The following SLC24A2 variants were observed in gnomAD, a reference collection of about 807,000 sequenced individuals.
SLC24A2 encodes the protein sodium/potassium/calcium exchanger 2.
SLC24A2 carries 36 observed loss-of-function variants against 62.0 expected under a neutral mutation model. That is an observed-to-expected ratio of 0.58 (90% confidence interval 0.44 to 0.77). The LOEUF (loss-of-function observed/expected upper bound fraction) is 0.77, where lower values mean the gene tolerates loss of function less well. SLC24A2 is among the 30% of genes least tolerant of loss of function. SLC24A2 has a pLI of 0.00. For synonymous variants in SLC24A2, 358 were observed against 294.0 expected (o/e 1.22, Z -2.23); for missense variants, 846 against 817.9 (o/e 1.03, Z -0.42).
intron 2 of SLC24A2, among the ~76,000 whole-genome samples, chr9:19,683,979 A>G (rs1819799373): frequency 6.6e-6 from 1 of 152,094 alleles, no homozygotes; most frequent in Non-Finnish European, 1.5e-5. Flanking sequence ...TACAAGCAAA[A>G]GAAACTTCCT....
At chr9:19,951,227 TGTG>T in the SLC24A2 span, among the ~76,000 whole-genome samples, 2 of 36,532 alleles carry the variant, frequency 5.5e-5, no homozygotes, top group Non-Finnish European at 1.1e-4. Flanking sequence ...TTTCTTAAGT[TGTG>T]TGTGTGTGTG....
chr9:19,949,097 G>A, the SLC24A2 span, among the ~76,000 whole-genome samples: 1 of 151,920 alleles, frequency 6.6e-6, no homozygotes, highest in Non-Finnish European at 1.5e-5. Flanking sequence ...GAGTTCAAGT[G>A]ATTCTCCTGC....
the SLC24A2 span, among the ~76,000 whole-genome samples, chr9:19,855,382 T>C: frequency 6.6e-6 from 1 of 152,164 alleles, no homozygotes. Flanking sequence ...TGCTTCATAG[T>C]GTCATTGGTC....
At chr9:19,693,716 A>G (rs376312910) in intron 2 of SLC24A2, among the ~76,000 whole-genome samples, 1 of 152,124 alleles carries the variant, frequency 6.6e-6, no homozygotes, top group African/African-American at 2.4e-5. Context: ...GATGCTTCTC[A>G]TGTACAGAAG....
At chr9:20,031,749 C>G in the SLC24A2 span, among the ~76,000 whole-genome samples, 1 of 152,114 alleles carries the variant, frequency 6.6e-6, no homozygotes, top group Non-Finnish European at 1.5e-5. Flanking sequence ...CTGGTCAGCC[C>G]CAATCCTGAC....
intron 2 of SLC24A2, among the ~76,000 whole-genome samples, chr9:19,748,671 T>C (rs966440145): frequency 6.5e-5 from 8 of 122,630 alleles, no homozygotes; most frequent in Non-Finnish European, 1.0e-4. Flanking sequence ...TGTCCCTTTT[T>C]TGATTTTTTT....
chr9:19,790,844 A>T (rs910994565), upstream of SLC24A2, among the ~76,000 whole-genome samples: 4 of 152,102 alleles, frequency 2.6e-5, no homozygotes, highest in African/African-American at 4.8e-5. Context: ...TGGGGTGCGG[A>T]GGGGAATATC....
chr9:20,111,546 A>G, the SLC24A2 span, among the ~76,000 whole-genome samples: 1 of 152,170 alleles, frequency 6.6e-6, no homozygotes, highest in East Asian at 1.9e-4. Flanking sequence ...CCTAACTGAT[A>G]CAAAAGTGCT....
chr9:19,765,104 C>A (rs1264682262), intron 2 of SLC24A2, among the ~76,000 whole-genome samples: 1 of 151,926 alleles, frequency 6.6e-6, no homozygotes, highest in African/African-American at 2.4e-5. Flanking sequence ...TTATCAGAGA[C>A]TAGGATTGCA....
intron 2 of SLC24A2, among the ~76,000 whole-genome samples, chr9:19,701,265 T>G (rs1820348764): frequency 6.6e-6 from 1 of 152,204 alleles, no homozygotes; most frequent in African/African-American, 2.4e-5. Flanking sequence ...AAAGACATAT[T>G]GTAGCGGAAT....
chr9:19,905,931 T>C, the SLC24A2 span, among the ~76,000 whole-genome samples: 1 of 152,044 alleles, frequency 6.6e-6, no homozygotes, highest in South Asian at 2.1e-4. Flanking sequence ...GACAGAAAGT[T>C]AACAACGATA....
At chr9:19,584,885 T>A (rs189923632) in intron 5 of SLC24A2, among the ~76,000 whole-genome samples, 3 of 152,304 alleles carry the variant, frequency 2.0e-5, no homozygotes, top group African/African-American at 7.2e-5. Flanking sequence ...CTGATATTAG[T>A]AAAAATTAAA....
chr9:19,710,250 G>A lies in SLC24A2; in HGVS notation c.930+75687C>T, dbSNP rs921231830. Among the ~76,000 whole-genome samples, 3 of 152,242 alleles carry A rather than the reference G, an allele frequency of 2.0e-5. No individual in the cohort carries two copies. In the East Asian group the frequency reaches 5.8e-4, roughly 29 times the overall value. On this transcript the variant is annotated intron_variant, in intron 2 of 10. Transcript: ENST00000341998. ...ACCATCATCTGCCCCTATGGGTAGA[G>A]GATGCAAATGATCCCAGACATGTTT...
rs1304187347 is a variant in SLC24A2, at chr9:19,712,003, T to C, written c.930+73934A>G. Among the ~76,000 whole-genome samples, 2 of 152,236 alleles carry C rather than the reference T, an allele frequency of 1.3e-5. 1 individual carries two copies. Among genetic ancestry groups the C allele is most frequent in the Middle Eastern group, 6.8e-3 (2 of 294 alleles). ...AATCTGGTAGTCATCCACACATCAT[T>C]TGGAGAGGCCTGGAGACAATGGAGG... On this transcript the variant is annotated intron_variant, in intron 2 of 10. Transcript: ENST00000341998.
At chr9:20,033,490 G>C in the SLC24A2 span, among the ~76,000 whole-genome samples, 1 of 152,190 alleles carries the variant, frequency 6.6e-6, no homozygotes, top group African/African-American at 2.4e-5. Flanking sequence ...CTTTTTAGTA[G>C]ACAGGTGGAG....
At chr9:19,791,175 T>C (rs1162125318), upstream of SLC24A2, among the ~76,000 whole-genome samples, 2 of 152,258 alleles carry the variant, frequency 1.3e-5, no homozygotes, top group East Asian at 3.8e-4. Flanking sequence ...GATCTGTCTT[T>C]CTTAATGTAT....
intron 8 of SLC24A2, among the ~76,000 whole-genome samples, chr9:19,529,078 ACACT>A (rs1833570852): frequency 6.6e-6 from 1 of 152,198 alleles, no homozygotes; most frequent in African/African-American, 2.4e-5. Context: ...TTTTAAAAAC[ACACT>A]CAGACAGCAC....
the SLC24A2 span, among the ~76,000 whole-genome samples, chr9:20,093,600 A>G: frequency 5.3e-5 from 8 of 152,090 alleles, no homozygotes; most frequent in Non-Finnish European, 8.8e-5. Flanking sequence ...TGTCACATTT[A>G]TTATTATAGA....
chr9:19,956,116 G>A, the SLC24A2 span, among the ~76,000 whole-genome samples: 1 of 152,176 alleles, frequency 6.6e-6, no homozygotes, highest in Non-Finnish European at 1.5e-5. Flanking sequence ...TCCAGTTTCA[G>A]CAAAGATGAG....
Sources: gnomAD v4.1 joint callset for allele counts (sites outside exome capture counted in the v4.1 genomes callset) on GRCh38, gnomAD v4.1.1 for gene constraint, MANE v1.5 for transcripts, NCBI Gene and HGNC (gene_info 2026-07-23, HGNC 2026-07-21) for gene names.